APOO: variants seen among roughly 807,000 people sequenced by gnomAD.
The protein encoded by APOO is MICOS complex subunit MIC26.
Under a neutral mutation model 23.1 loss-of-function variants are expected in APOO, and 11 were observed. That is an observed-to-expected ratio of 0.48 (90% CI 0.30 to 0.79). APOO has a LOEUF of 0.79. APOO is among the 30% of genes least tolerant of loss of function. The pLI, the probability that APOO is intolerant of heterozygous loss-of-function variation, is 0.07. For missense variants in APOO, 160 were observed against 142.7 expected (o/e 1.12, Z -0.62); for synonymous variants, 59 against 54.8 (o/e 1.08, Z -0.34).
chrX:23,871,177 C>T (rs1442919860), intron 4 of APOO, among the ~76,000 whole-genome samples: 1 of 100,207 alleles, frequency 1.0e-5, no homozygotes, highest in Non-Finnish European at 2.0e-5. Context: ...ATGGTGAAAC[C>T]CCAACTCTAC....
At chrX:23,892,255 AT>A (rs765843540) in intron 1 of APOO, among the ~76,000 whole-genome samples, 10,517 of 98,184 alleles carry the variant, frequency 0.11, 791 homozygotes, top group East Asian at 0.47. Flanking sequence ...CCAGCTAATT[AT>A]TTTTTTTTTT....
intron 7 of APOO, among the ~76,000 whole-genome samples, chrX:23,852,440 T>C (rs1346099502): frequency 9.1e-6 from 1 of 109,746 alleles, no homozygotes; most frequent in East Asian, 2.9e-4. Flanking sequence ...CTACTAAAAA[T>C]ACTAAACCCC....
intron 1 of APOO, among the ~76,000 whole-genome samples, chrX:23,893,916 A>G (rs1283744378): frequency 9.1e-6 from 1 of 110,469 alleles, no homozygotes; most frequent in East Asian, 2.8e-4. Context: ...AACAGAACAG[A>G]GGCTTTCTCT....
chrX:23,866,293 T>C (rs1442785479), intron 5 of APOO, among the ~76,000 whole-genome samples: 1 of 111,531 alleles, frequency 9.0e-6, no homozygotes, highest in South Asian at 3.7e-4. Flanking sequence ...TTGCAAGAAA[T>C]GAGGTGAAAG....
chrX:23,880,038 C>A (rs1226311299), intron 2 of APOO, among the ~76,000 whole-genome samples: 1 of 107,684 alleles, frequency 9.3e-6, no homozygotes, highest in African/African-American at 3.4e-5. Flanking sequence ...GGAATGTAAA[C>A]AGTAGAGAGA....
intron 1 of APOO, among the ~76,000 whole-genome samples, chrX:23,903,003 C>T (rs190592249): frequency 7.9e-4 from 89 of 112,006 alleles, no homozygotes; most frequent in Non-Finnish European, 7.7e-4. Context: ...AACACAAGAA[C>T]CATTCATCTA....
chrX:23,904,281 A>C (rs1259799675), intron 1 of APOO, among the ~76,000 whole-genome samples: 1 of 110,888 alleles, frequency 9.0e-6, no homozygotes, highest in Non-Finnish European at 1.9e-5. Context: ...GTCTAAGCCA[A>C]TCAGATCATG....
chrX:23,853,131 G>A (rs1419946823), intron 7 of APOO, among the ~76,000 whole-genome samples: 4 of 110,584 alleles, frequency 3.6e-5, no homozygotes, highest in Admixed American at 9.7e-5. Context: ...TGTGGTGTGC[G>A]CCTGTAGTCC....
chrX:23,880,960 G>T lies in APOO; in HGVS notation c.10-8C>A. The stretch of plus-strand genomic sequence containing the variant: ...CACGGACCTCTGAATTACCTGAAAT[G>T]CAGAAGCAATCTTAAACCTCTCTAT... On this transcript the variant is annotated splice_polypyrimidine_tract_variant and splice_region_variant and intron_variant, in intron 1 of 8. Transcript: ENST00000379226. 1 of 1,147,945 alleles carries T rather than the reference G, an allele frequency of 8.7e-7. No individual in the cohort carries two copies. The highest frequency in any genetic ancestry group is 1.2e-6 in the Non-Finnish European group (1 of 856,692). The allele number at this position is 1,147,945 out of a possible 1,213,427, so 94.6% of individuals were successfully genotyped here.
intron 4 of APOO, among the ~76,000 whole-genome samples, chrX:23,871,088 CAAAAAACA>C (rs1054275790): frequency 5.7e-5 from 6 of 104,797 alleles, no homozygotes; most frequent in Middle Eastern, 0.01. Context: ...GACTCTGTCT[CAAAAAACA>C]AAAAAACAAA....
chrX:23,863,564 T>G (rs1465545285), intron 5 of APOO, among the ~76,000 whole-genome samples: 3 of 111,798 alleles, frequency 2.7e-5, no homozygotes, highest in Non-Finnish European at 5.6e-5. Context: ...CCAACCAAAC[T>G]GTCACATGGT....
intron 5 of APOO, among the ~76,000 whole-genome samples, chrX:23,862,914 A>C (rs1925146583): frequency 2.3e-5 from 1 of 43,331 alleles, no homozygotes. Flanking sequence ...GGGAGGGAGA[A>C]GGAGGGAAGG....
chrX:23,885,738 T>C (rs1469288973), intron 1 of APOO, among the ~76,000 whole-genome samples: 6 of 110,936 alleles, frequency 5.4e-5, no homozygotes, highest in African/African-American at 2.0e-4. Flanking sequence ...CTCCTATTAG[T>C]TTTCCTCCCT....
At chrX:23,852,959 T>TA (rs1052196415) in intron 7 of APOO, among the ~76,000 whole-genome samples, 5 of 109,869 alleles carry the variant, frequency 4.6e-5, no homozygotes, top group African/African-American at 1.7e-4. Flanking sequence ...TAGCTCTCAT[T>TA]AAAAAAACAA....
At chrX:23,856,077 T>C (rs923385591) in intron 7 of APOO, among the ~76,000 whole-genome samples, 2 of 112,073 alleles carry the variant, frequency 1.8e-5, no homozygotes, top group African/African-American at 6.5e-5. Context: ...GTGGAATGCA[T>C]TGCATTTTAT....
intron 8 of APOO, among the ~76,000 whole-genome samples, chrX:23,837,955 C>T (rs1237296412): frequency 2.1e-5 from 2 of 93,822 alleles, no homozygotes; most frequent in Admixed American, 1.2e-4. Context: ...CCACTGCACC[C>T]GGCCTATCTA....
chrX:23,889,949 C>A (rs1926577105), intron 1 of APOO, among the ~76,000 whole-genome samples: 1 of 110,731 alleles, frequency 9.0e-6, no homozygotes, highest in Admixed American at 9.7e-5. Context: ...GCGTCAGCCA[C>A]CGCGCCTGGC....
At chrX:23,851,266 T>C (rs1253160916) in intron 7 of APOO, among the ~76,000 whole-genome samples, 1 of 110,217 alleles carries the variant, frequency 9.1e-6, no homozygotes, top group Non-Finnish European at 1.9e-5. Context: ...CGATCTTGGC[T>C]CACTGTAACC....
chrX:23,876,277 A>AT (rs1043087632), intron 3 of APOO, among the ~76,000 whole-genome samples: 3 of 103,046 alleles, frequency 2.9e-5, no homozygotes, highest in African/African-American at 1.0e-4. Context: ...AAATAAAAAA[A>AT]ATAAAAATAA....
Sources: allele counts gnomAD v4.1 joint callset (sites outside exome capture counted in the v4.1 genomes callset), GRCh38; gene constraint gnomAD v4.1.1; transcripts MANE v1.5; gene names NCBI Gene and HGNC (gene_info 2026-07-23, HGNC 2026-07-21).